The following GNG4 variants were observed in gnomAD, a reference collection of about 807,000 sequenced individuals.
GNG4 encodes the protein guanine nucleotide-binding protein G(I)/G(S)/G(O) subunit gamma-4.
Under a neutral mutation model 5.8 loss-of-function variants are expected in GNG4, and 4 were observed. The observed-to-expected ratio is 0.69, with a 90% confidence interval of 0.34 to 1.57. The LOEUF (loss-of-function observed/expected upper bound fraction) is 1.57, where lower values mean the gene tolerates loss of function less well. GNG4 is among the 40% of genes most tolerant of loss of function. GNG4 has a pLI of 0.06. For missense variants in GNG4, 96 were observed against 95.1 expected (o/e 1.01, Z -0.04); for synonymous variants, 29 against 32.9 (o/e 0.88, Z 0.41).
chr1:235,591,989 G>A (rs1234379549), intron 2 of GNG4, among the ~76,000 whole-genome samples: 3 of 152,336 alleles, frequency 2.0e-5, no homozygotes, highest in African/African-American at 7.2e-5. Flanking sequence ...AAGTAAATAA[G>A]TGACTTGATA....
intron 1 of GNG4, among the ~76,000 whole-genome samples, chr1:235,643,627 C>T (rs1045350919): frequency 2.6e-5 from 4 of 152,194 alleles, no homozygotes; most frequent in South Asian, 4.1e-4. Context: ...ATGAACACAT[C>T]GATCGCATCC....
At chr1:235,560,161 C>T (rs987383201) in intron 3 of GNG4, among the ~76,000 whole-genome samples, 5 of 152,316 alleles carry the variant, frequency 3.3e-5, no homozygotes, top group Admixed American at 6.5e-5. Flanking sequence ...TAAACGAGAA[C>T]GGCAACACCT....
In GNG4 at chr1:235,613,874, C is replaced by A. The variant is rs116884321; in HGVS notation, c.-122-18363G>T. On this transcript the variant is annotated intron_variant, in intron 1 of 3. Coordinates refer to ENST00000391854, the MANE Select transcript of GNG4 (RefSeq NM_001098722.2). Reference sequence around the variant, plus strand: ...AGGGTGTGTGAACCTTTCAAGCAGTCCTGACATATAAGGCTGGCAATCTTC... The same window carrying A: ...AGGGTGTGTGAACCTTTCAAGCAGTACTGACATATAAGGCTGGCAATCTTC... Among the ~76,000 whole-genome samples, 265 of 152,284 alleles carry A rather than the reference C, an allele frequency of 1.7e-3. 5 individuals carry two copies. The East Asian group carries it at 0.046, about 26-fold the overall frequency.
intron 1 of GNG4, among the ~76,000 whole-genome samples, chr1:235,628,297 G>T (rs1688859768): frequency 1.3e-5 from 2 of 152,152 alleles, no homozygotes; most frequent in Non-Finnish European, 2.9e-5. Context: ...AGAATTCAGA[G>T]TATCGGAGGA....
At chr1:235,623,878 G>A (rs1048755381) in intron 1 of GNG4, among the ~76,000 whole-genome samples, 3 of 152,292 alleles carry the variant, frequency 2.0e-5, no homozygotes, top group Middle Eastern at 3.4e-3. Context: ...AGGGAAGAAT[G>A]ATTATTTCTA....
chr1:235,626,214 G>A (rs1688807068), intron 1 of GNG4, among the ~76,000 whole-genome samples: 1 of 152,080 alleles, frequency 6.6e-6, no homozygotes, highest in Non-Finnish European at 1.5e-5. Flanking sequence ...TGCCATCTTT[G>A]TATCTTTGGT....
At chr1:235,572,302 C>T (rs1037508348) in intron 3 of GNG4, among the ~76,000 whole-genome samples, 4 of 152,082 alleles carry the variant, frequency 2.6e-5, no homozygotes, top group Admixed American at 6.6e-5. Context: ...CGGGTTCAAG[C>T]GATTCTCTTG....
chr1:235,579,884 A>T (rs1687584711), intron 3 of GNG4, among the ~76,000 whole-genome samples: 1 of 150,320 alleles, frequency 6.7e-6, no homozygotes, highest in Non-Finnish European at 1.5e-5. Flanking sequence ...TTGAACATAG[A>T]GTTACCCTAT....
upstream of GNG4, among the ~76,000 whole-genome samples, chr1:235,650,341 G>T (rs1489820334): frequency 2.0e-5 from 3 of 149,318 alleles, no homozygotes; most frequent in African/African-American, 7.6e-5. Flanking sequence ...AATCACCGGA[G>T]GGGTCTGGGG....
chr1:235,612,743 G>A (rs1270449055), intron 1 of GNG4, among the ~76,000 whole-genome samples: 2 of 152,138 alleles, frequency 1.3e-5, no homozygotes, highest in Non-Finnish European at 2.9e-5. Flanking sequence ...GGCTGGTCTT[G>A]AACACCTGGG....
At position 235,577,911 on chromosome 1, in the gene GNG4, GGCCATT is replaced by G. The variant is rs539625123; in HGVS notation, c.99+5823_99+5828del. 2.3e-4 allele frequency among the ~76,000 whole-genome samples: 35 copies of G among 152,244 alleles called. No individual in the cohort carries two copies. In the South Asian group the frequency reaches 7.3e-3, roughly 32 times the overall value. Reference sequence around the variant, plus strand: ...AGTAACCTCGTACCCATCCCAGAAAGGCCATTGCCTTTCCCTGGTGACTTCCTCTCT... The same window carrying G: ...AGTAACCTCGTACCCATCCCAGAAAGGCCTTTCCCTGGTGACTTCCTCTCT... On this transcript the variant is annotated intron_variant, in intron 3 of 3. Coordinates refer to ENST00000391854, the MANE Select transcript of GNG4 (RefSeq NM_001098722.2).
chr1:235,571,022 A>G (rs1160994501), intron 3 of GNG4, among the ~76,000 whole-genome samples: 1 of 142,462 alleles, frequency 7.0e-6, no homozygotes, highest in Non-Finnish European at 1.5e-5. Flanking sequence ...GCTGGTTTCA[A>G]GCTCCTGTGC....
rs1553370996 is a variant in GNG4, at chr1:235,616,925, TTC to T, written c.-122-21416_-122-21415del. Among the ~76,000 whole-genome samples, 5 of 137,826 alleles carry T rather than the reference TTC, an allele frequency of 3.6e-5. No homozygotes were observed. In the East Asian group the frequency reaches 5.9e-4, roughly 16 times the overall value. 90.4% of individuals were successfully genotyped at this position (137,826 alleles called of 152,430 possible). A position where few individuals can be genotyped will look rare whatever the true frequency, so the allele number is the denominator to read the frequency against. On this transcript the variant is annotated intron_variant, in intron 1 of 3. Coordinates refer to ENST00000391854, the MANE Select transcript of GNG4 (RefSeq NM_001098722.2). The stretch of plus-strand genomic sequence containing the variant: ...GGCTAATTTTTTTTTTTTTTTTTTT[TTC>T]AGTAGAGATGGGTTTTCGCCATGCT...
intron 2 of GNG4, among the ~76,000 whole-genome samples, chr1:235,593,449 A>G (rs1042756501): frequency 1.3e-5 from 2 of 152,230 alleles, no homozygotes; most frequent in African/African-American, 2.4e-5. Flanking sequence ...ACTTCTGTCC[A>G]TGAGCACTTG....
chr1:235,601,652 C>G (rs1688260467), intron 1 of GNG4, among the ~76,000 whole-genome samples: 1 of 152,194 alleles, frequency 6.6e-6, no homozygotes, highest in African/African-American at 2.4e-5. Flanking sequence ...GGTGACAGGG[C>G]AGGTGGCCCC....
At chr1:235,571,864 G>A (rs1019572799) in intron 3 of GNG4, among the ~76,000 whole-genome samples, 3 of 152,096 alleles carry the variant, frequency 2.0e-5, no homozygotes, top group African/African-American at 7.2e-5. Context: ...TTGAGACAGG[G>A]TCTCACTCTC....
chr1:235,596,756 C>T (rs548000442), intron 1 of GNG4, among the ~76,000 whole-genome samples: 2 of 152,116 alleles, frequency 1.3e-5, no homozygotes, highest in South Asian at 4.2e-4. Context: ...GATAGGGTCT[C>T]GCTTCGTTGC....
At chr1:235,638,787 A>G (rs1657213693) in intron 1 of GNG4, among the ~76,000 whole-genome samples, 1 of 152,124 alleles carries the variant, frequency 6.6e-6, no homozygotes. Context: ...TAGTTTGCTG[A>G]GAATGATGGT....
chr1:235,587,376 T>A (rs1447402635), intron 2 of GNG4, among the ~76,000 whole-genome samples: 11 of 76,218 alleles, frequency 1.4e-4, no homozygotes, highest in Non-Finnish European at 2.0e-4. Flanking sequence ...TGTGAGTGTG[T>A]GTGTGAGCAC....
Sources: allele counts gnomAD v4.1 joint callset (sites outside exome capture counted in the v4.1 genomes callset), GRCh38; gene constraint gnomAD v4.1.1; transcripts MANE v1.5; gene names NCBI Gene and HGNC (gene_info 2026-07-23, HGNC 2026-07-21).